Variants in ATRNL1 observed in about 807,000 individuals in gnomAD.
ATRNL1 encodes attractin like 1, also known as attractin-like protein 1.
A neutral mutation model predicts 182.7 loss-of-function variants in ATRNL1; 95 were observed. That is an observed-to-expected ratio of 0.52 (90% CI 0.44 to 0.62). The LOEUF (loss-of-function observed/expected upper bound fraction) is 0.62, where lower values mean the gene tolerates loss of function less well. ATRNL1 is among the 20% of genes least tolerant of loss of function. The pLI is 0.00. For synonymous variants in ATRNL1, 576 were observed against 568.3 expected (o/e 1.01, Z -0.19); for missense variants, 1,471 against 1,679.5 (o/e 0.88, Z 2.17).
Position 115,093,930 on chromosome 10 carries a change from C to T in ATRNL1, c.180C>T (p.Ser60=). The T allele has an allele frequency of 6.3e-7, 1 of 1,596,532 alleles. No individual in the cohort carries two copies. Among genetic ancestry groups the T allele is most frequent in the Non-Finnish European group, 8.5e-7 (1 of 1,173,060 alleles). Residue 60 remains serine (S), a synonymous_variant, in exon 1 of 29, where the codon TCC becomes TCT. Coordinates refer to ENST00000355044, the MANE Select transcript of ATRNL1 (RefSeq NM_207303.4). The surrounding 1 kb of genome is among the most constrained non-coding windows in gnomAD (Gnocchi z 6.1). ...YLALYAQVSQ[S]KPCERTGSCF... ...CGCTCTACGCGCAGGTGTCCCAGTC[C>T]AAGCCGTGCGAGAGGACCGGCTCCT...
chr10:115,935,724 G>T (rs1181885679), intron 28 of ATRNL1, among the ~76,000 whole-genome samples: 1 of 152,134 alleles, frequency 6.6e-6, no homozygotes, highest in Non-Finnish European at 1.5e-5. Context: ...CCTAGATAAT[G>T]AATGTAAAAG....
intron 27 of ATRNL1, among the ~76,000 whole-genome samples, chr10:115,821,547 CAT>C (rs1157454350): frequency 6.6e-6 from 1 of 152,138 alleles, no homozygotes; most frequent in Non-Finnish European, 1.5e-5. Flanking sequence ...AGACCCATCT[CAT>C]GTGCAAAGAC....
At chr10:115,433,534 A>G (rs1846261172) in intron 21 of ATRNL1, among the ~76,000 whole-genome samples, 1 of 152,178 alleles carries the variant, frequency 6.6e-6, no homozygotes, top group Non-Finnish European at 1.5e-5. Context: ...TGATGGATTG[A>G]ACAGTATCTG....
intron 25 of ATRNL1, among the ~76,000 whole-genome samples, chr10:115,532,623 C>T (rs1378025115): frequency 6.6e-6 from 1 of 150,884 alleles, no homozygotes; most frequent in Non-Finnish European, 1.5e-5. Flanking sequence ...TTATTTCCTT[C>T]TCCTGCCTAA....
chr10:115,455,876 A>G (rs1461280042), intron 21 of ATRNL1, among the ~76,000 whole-genome samples: 2 of 152,296 alleles, frequency 1.3e-5, no homozygotes, highest in East Asian at 3.9e-4. Context: ...CAACAAAAAT[A>G]TGAAAAAAAG....
intron 24 of ATRNL1, among the ~76,000 whole-genome samples, chr10:115,500,519 C>T (rs1849771610): frequency 6.6e-6 from 1 of 151,934 alleles, no homozygotes; most frequent in South Asian, 2.1e-4. Context: ...TATACTTGAC[C>T]TCATTATTTG....
At chr10:115,856,303 C>T (rs1951179198) in intron 28 of ATRNL1, among the ~76,000 whole-genome samples, 1 of 151,628 alleles carries the variant, frequency 6.6e-6, no homozygotes, top group Admixed American at 6.6e-5. Flanking sequence ...TGGCAGATGC[C>T]CGTAATCCCA....
intron 27 of ATRNL1, among the ~76,000 whole-genome samples, chr10:115,774,193 C>T (rs938182200): frequency 6.6e-6 from 1 of 151,932 alleles, no homozygotes; most frequent in African/African-American, 2.4e-5. Context: ...TTTGGGAGGC[C>T]GAGGCGGGCA....
At chr10:115,277,484 G>A (rs975575120) in intron 13 of ATRNL1, among the ~76,000 whole-genome samples, 1 of 152,018 alleles carries the variant, frequency 6.6e-6, no homozygotes, top group Non-Finnish European at 1.5e-5. Context: ...CTATAGGATA[G>A]CTATAACTTA....
At chr10:115,365,672 C>G (rs1168459646) in intron 19 of ATRNL1, among the ~76,000 whole-genome samples, 1 of 151,176 alleles carries the variant, frequency 6.6e-6, no homozygotes, top group Non-Finnish European at 1.5e-5. Flanking sequence ...CTATAAATTT[C>G]CCTCTACACA....
At chr10:115,401,440 C>T (rs946514416) in intron 20 of ATRNL1, among the ~76,000 whole-genome samples, 4 of 151,870 alleles carry the variant, frequency 2.6e-5, no homozygotes, top group South Asian at 2.1e-4. Context: ...CATTCTGGAC[C>T]CAGTCAAGAT....
chr10:115,799,180 C>A (rs547549192), intron 27 of ATRNL1, among the ~76,000 whole-genome samples: 3 of 152,072 alleles, frequency 2.0e-5, no homozygotes, highest in Non-Finnish European at 4.4e-5. Flanking sequence ...ATACCTGTCT[C>A]TTTGCTTTGC....
chr10:115,165,767 C>T (rs1847011748), intron 7 of ATRNL1, 122 bp downstream of exon 7: 1 of 445,878 alleles, frequency 2.2e-6, no homozygotes, highest in Admixed American at 4.1e-5. Context: ...TTATATGGAT[C>T]ATGATAACTT....
intron 7 of ATRNL1, among the ~76,000 whole-genome samples, chr10:115,167,662 G>C (rs1847108144): frequency 6.6e-6 from 1 of 151,954 alleles, no homozygotes; most frequent in Non-Finnish European, 1.5e-5. Flanking sequence ...GCAGTATAAA[G>C]AACAAACTAC....
At chr10:115,732,951 G>A (rs550185654) in intron 27 of ATRNL1, among the ~76,000 whole-genome samples, 126 of 152,214 alleles carry the variant, frequency 8.3e-4, no homozygotes, top group African/African-American at 2.9e-3. Context: ...GAGAATTCCA[G>A]CAGTTATCCA....
At chr10:115,912,320 A>G (rs1403458841) in intron 28 of ATRNL1, among the ~76,000 whole-genome samples, 2 of 152,216 alleles carry the variant, frequency 1.3e-5, no homozygotes, top group South Asian at 2.1e-4. Flanking sequence ...AATGACTAAT[A>G]AAAATGACTG....
chr10:115,271,048 C>T (rs556326520), intron 13 of ATRNL1, among the ~76,000 whole-genome samples: 2 of 152,164 alleles, frequency 1.3e-5, no homozygotes, highest in Admixed American at 6.5e-5. Flanking sequence ...ATTTACTCCT[C>T]TCCTTGATAT....
chr10:115,243,149 A>G (rs1442673034), intron 10 of ATRNL1, among the ~76,000 whole-genome samples: 1 of 152,108 alleles, frequency 6.6e-6, no homozygotes, highest in African/African-American at 2.4e-5. Context: ...CATGAAGTGG[A>G]ATTTTGAACT....
At chr10:115,520,781 ACGGTTTAC>A (rs1427833349) in intron 25 of ATRNL1, among the ~76,000 whole-genome samples, 4 of 152,120 alleles carry the variant, frequency 2.6e-5, no homozygotes, top group Admixed American at 2.0e-4. Flanking sequence ...AGTATTTTCT[ACGGTTTAC>A]ACATTCCTTG....
Sources: allele counts gnomAD v4.1 joint callset (sites outside exome capture counted in the v4.1 genomes callset), GRCh38; gene constraint gnomAD v4.1.1; non-coding constraint Gnocchi (gnomAD v3.1); transcripts MANE v1.5; gene names NCBI Gene and HGNC (gene_info 2026-07-23, HGNC 2026-07-21).